FGF13: variants seen among roughly 807,000 people sequenced by gnomAD.
FGF13 encodes fibroblast growth factor homologous factor 2.
In FGF13, 2 loss-of-function variants were observed where a neutral mutation model predicts 19.5. The observed-to-expected ratio is 0.10, with a 90% CI of 0.04 to 0.32. The LOEUF is 0.32. FGF13 is among the 10% of genes least tolerant of loss of function. The pLI is 1.00. For missense variants in FGF13, 113 were observed against 192.7 expected, an observed-to-expected ratio of 0.59 and a Z score of 2.45; for synonymous variants, 72 against 76.9, an observed-to-expected ratio of 0.94 and a Z score of 0.33.
intron 1 of FGF13, among the ~76,000 whole-genome samples, chrX:138,918,563 A>G (rs932621238): frequency 2.1e-4 from 23 of 111,491 alleles, no homozygotes; most frequent in African/African-American, 6.5e-4. Context: ...CACATTTGAT[A>G]AAGGGTCACT....
At chrX:138,971,751 T>C (rs1410852486) in intron 1 of FGF13, among the ~76,000 whole-genome samples, 1 of 111,525 alleles carries the variant, frequency 9.0e-6, no homozygotes, top group Non-Finnish European at 1.9e-5. Flanking sequence ...TATTTTGAAG[T>C]ATACAATACA....
At chrX:139,107,763 G>T (rs1456370675) in intron 1 of FGF13, among the ~76,000 whole-genome samples, 1 of 110,731 alleles carries the variant, frequency 9.0e-6, no homozygotes, top group African/African-American at 3.3e-5. Flanking sequence ...TGATGGTGAT[G>T]ATCACAATGA....
At chrX:139,194,897 C>A (rs1282381534) in intron 1 of FGF13, among the ~76,000 whole-genome samples, 6 of 111,896 alleles carry the variant, frequency 5.4e-5, no homozygotes, top group Non-Finnish European at 9.4e-5. Context: ...CGACGCCTCC[C>A]CGTGAGTCGA....
rs1296771559 is a variant in FGF13 at position 138,621,848 on chromosome X, CAG to C, written c.*11000_*11001del. On this transcript the variant is annotated 3_prime_UTR_variant, in exon 5 of 5. Coordinates refer to ENST00000315930, the MANE Select transcript of FGF13 (RefSeq NM_004114.5). ...CACAAGTTGGGTAATCTAGAAGAAA[CAG>C]ATAAATTTCTAGAAACATACCACAA... 9.0e-6 allele frequency: 1 copy of C among 110,627 alleles called. No individual in the cohort carries two copies. The highest frequency in any genetic ancestry group is 1.9e-5 in the Non-Finnish European group (1 of 52,750). The allele number at this position is 110,627 out of a possible 1,213,427, so 9.1% of individuals were successfully genotyped here.
intron 1 of FGF13, among the ~76,000 whole-genome samples, chrX:138,720,469 A>T (rs2090139984): frequency 8.9e-6 from 1 of 111,763 alleles, no homozygotes; most frequent in African/African-American, 3.2e-5. Context: ...AAATTTGTGC[A>T]TACTGCCTTT....
chrX:139,102,702 T>C (rs980751259), intron 1 of FGF13, among the ~76,000 whole-genome samples: 1 of 111,543 alleles, frequency 9.0e-6, no homozygotes, highest in East Asian at 2.9e-4. Context: ...GAAAATGAGA[T>C]AGAAAAGCAG....
At chrX:139,104,682 T>A (rs1337414908) in intron 1 of FGF13, among the ~76,000 whole-genome samples, 1 of 110,975 alleles carries the variant, frequency 9.0e-6, no homozygotes, top group African/African-American at 3.3e-5. Context: ...CGTGATCAGA[T>A]TCTGGTGAGG....
chrX:138,892,416 A>G (rs1035632850), intron 1 of FGF13, among the ~76,000 whole-genome samples: 4 of 112,061 alleles, frequency 3.6e-5, no homozygotes, highest in African/African-American at 1.3e-4. Flanking sequence ...CAAGAAGCAG[A>G]GAAAGATTAA....
chrX:139,092,818 A>G (rs2083447173), intron 1 of FGF13, among the ~76,000 whole-genome samples: 1 of 111,674 alleles, frequency 9.0e-6, no homozygotes, highest in Non-Finnish European at 1.9e-5. Context: ...AGCAATCTGC[A>G]CTATCCTCCC....
intron 1 of FGF13, among the ~76,000 whole-genome samples, chrX:139,047,853 T>C (rs1057212387): frequency 9.8e-5 from 11 of 112,030 alleles, no homozygotes; most frequent in Non-Finnish European, 1.7e-4. Context: ...AATTTGTAAT[T>C]TCTCCTTTAA....
intron 1 of FGF13, among the ~76,000 whole-genome samples, chrX:139,168,884 G>T (rs1280553609): frequency 8.9e-6 from 1 of 112,129 alleles, no homozygotes; most frequent in Non-Finnish European, 1.9e-5. Context: ...TGCCCATGTT[G>T]TTGAACTGAG....
At chrX:139,119,663 T>C (rs778744315) in intron 1 of FGF13, among the ~76,000 whole-genome samples, 12 of 112,257 alleles carry the variant, frequency 1.1e-4, no homozygotes, top group Admixed American at 1.9e-4. Flanking sequence ...TTCTCTGAAC[T>C]CTGAAATACA....
intron 3 of FGF13, among the ~76,000 whole-genome samples, chrX:138,651,927 A>G (rs2089378900): frequency 9.0e-6 from 1 of 111,553 alleles, no homozygotes; most frequent in Admixed American, 9.6e-5. Context: ...CTATACATGT[A>G]GTATAACATT....
At chrX:138,646,384 T>C (rs2089306708) in intron 3 of FGF13, among the ~76,000 whole-genome samples, 1 of 111,424 alleles carries the variant, frequency 9.0e-6, no homozygotes, top group Non-Finnish European at 1.9e-5. Context: ...TTACGGTAGC[T>C]GGTACTGGCA....
intron 3 of FGF13, among the ~76,000 whole-genome samples, chrX:138,836,392 CT>C (rs2091112563): frequency 9.0e-6 from 1 of 111,722 alleles, no homozygotes; most frequent in Admixed American, 9.5e-5. Flanking sequence ...CCTTTTCATT[CT>C]TTTTTTCTCT....
At chrX:138,966,912 A>T (rs980713686) in intron 1 of FGF13, among the ~76,000 whole-genome samples, 5 of 111,040 alleles carry the variant, frequency 4.5e-5, no homozygotes, top group African/African-American at 1.6e-4. Flanking sequence ...TTCTCATGAG[A>T]TCTGACATTT....
intron 2 of FGF13, among the ~76,000 whole-genome samples, chrX:138,860,103 G>A (rs1336751636): frequency 8.9e-6 from 1 of 111,788 alleles, no homozygotes; most frequent in Non-Finnish European, 1.9e-5. Flanking sequence ...AAAAGAGCTA[G>A]AAACACTGAT....
intron 1 of FGF13, among the ~76,000 whole-genome samples, chrX:138,902,310 T>C (rs1209054572): frequency 8.9e-6 from 1 of 112,187 alleles, no homozygotes; most frequent in Admixed American, 9.4e-5. Flanking sequence ...TTGCACCCAT[T>C]TTGTATAATA....
At position 138,975,131 on chromosome X, in the gene FGF13, T is replaced by C. The variant is rs750168611; in HGVS notation, c.-112-110481A>G. Among the ~76,000 whole-genome samples the C allele has an allele frequency of 3.9e-3, 443 of 112,858 alleles. 1 individual carries two copies. The highest frequency in any genetic ancestry group is 6.9e-3 in the Non-Finnish European group (369 of 53,354). ...CAAGCAGCCTTGGCTGATTTTTCAATGGAAAAACAATAATGAAAGCAATAA... is the reference window on the plus strand; with the variant it reads ...CAAGCAGCCTTGGCTGATTTTTCAACGGAAAAACAATAATGAAAGCAATAA... On this transcript the variant is annotated intron_variant, in intron 1 of 2. Transcript: ENST00000421460.
Sources: allele counts gnomAD v4.1 joint callset (sites outside exome capture counted in the v4.1 genomes callset), GRCh38; gene constraint gnomAD v4.1.1; transcripts MANE v1.5; gene names NCBI Gene and HGNC (gene_info 2026-07-23, HGNC 2026-07-21).